GRIK1: variants seen among roughly 807,000 people sequenced by gnomAD.
GRIK1 encodes glutamate receptor ionotropic, kainate 1.
Under a neutral mutation model 105.7 loss-of-function variants are expected in GRIK1, and 69 were observed. The observed-to-expected ratio is 0.65, with a 90% confidence interval of 0.54 to 0.80. The LOEUF (loss-of-function observed/expected upper bound fraction) is 0.80, where lower values mean the gene tolerates loss of function less well. GRIK1 is among the 30% of genes least tolerant of loss of function. The pLI is 0.00. For missense variants in GRIK1, 1,109 were observed against 1,167.3 expected (o/e 0.95, Z 0.73); for synonymous variants, 438 against 431.3 (o/e 1.02, Z -0.19).
intron 1 of GRIK1, among the ~76,000 whole-genome samples, chr21:29,755,384 C>T (rs1199544142): frequency 6.6e-6 from 1 of 152,220 alleles, no homozygotes; most frequent in Non-Finnish European, 1.5e-5. Flanking sequence ...CATGGAACAC[C>T]ATTTATCATG....
chr21:29,675,256 G>A (rs2063243413), intron 3 of GRIK1, among the ~76,000 whole-genome samples: 1 of 152,124 alleles, frequency 6.6e-6, no homozygotes, highest in Non-Finnish European at 1.5e-5. Flanking sequence ...TTGGTGCTGA[G>A]GGAACAGATA....
chr21:29,767,715 G>C (rs2065705663), intron 1 of GRIK1, among the ~76,000 whole-genome samples: 1 of 152,102 alleles, frequency 6.6e-6, no homozygotes, highest in Non-Finnish European at 1.5e-5. Flanking sequence ...GTAGTGACAG[G>C]CAATTGAAGT....
chr21:29,915,336 C>T (rs1051464807), intron 1 of GRIK1, among the ~76,000 whole-genome samples: 1 of 152,008 alleles, frequency 6.6e-6, no homozygotes, highest in African/African-American at 2.4e-5. Flanking sequence ...TTAAGATTCA[C>T]AGTTGCTCTA....
chr21:29,856,035 T>TGG (rs2068453794), intron 1 of GRIK1, among the ~76,000 whole-genome samples: 1 of 151,662 alleles, frequency 6.6e-6, no homozygotes, highest in African/African-American at 2.4e-5. Flanking sequence ...GATTCATACG[T>TGG]AAACATCAGT....
At chr21:29,806,171 T>C (rs1422557779) in intron 1 of GRIK1, among the ~76,000 whole-genome samples, 1 of 152,140 alleles carries the variant, frequency 6.6e-6, no homozygotes, top group Admixed American at 6.6e-5. Context: ...TATAATTCTG[T>C]TGCATCAAAA....
rs1201957861 is a variant in GRIK1 at position 29,719,583 on chromosome 21, T to C, written c.119-25520A>G. The stretch of plus-strand genomic sequence containing the variant: ...GCTTCAAAGAAAGAAGAAAGAAACA[T>C]GGGCTCACAGAGATGATTTTTTTTT... On this transcript the variant is annotated intron_variant, in intron 1 of 17. Transcript: ENST00000327783. Among the ~76,000 whole-genome samples, 4 of 151,856 alleles carry C rather than the reference T, an allele frequency of 2.6e-5. No homozygotes were observed. The East Asian group carries it at 7.8e-4, about 29-fold the overall frequency.
At chr21:29,620,287 A>G (rs2061956093) in intron 7 of GRIK1, among the ~76,000 whole-genome samples, 1 of 152,182 alleles carries the variant, frequency 6.6e-6, no homozygotes, top group Non-Finnish European at 1.5e-5. Flanking sequence ...CGTAACAGGT[A>G]TTTCTTGCCT....
intron 1 of GRIK1, among the ~76,000 whole-genome samples, chr21:29,903,362 A>G (rs1321662441): frequency 6.6e-6 from 1 of 152,240 alleles, no homozygotes; most frequent in Admixed American, 6.5e-5. Flanking sequence ...AGAATGGGAG[A>G]AAATTTTTTC....
chr21:29,693,267 C>T (rs577943066), intron 2 of GRIK1, among the ~76,000 whole-genome samples: 1 of 152,294 alleles, frequency 6.6e-6, no homozygotes, highest in South Asian at 2.1e-4. Flanking sequence ...TAAGCAAGCC[C>T]CACAATTCCG....
chr21:29,780,399 A>C (rs2066062068), intron 1 of GRIK1, among the ~76,000 whole-genome samples: 1 of 152,232 alleles, frequency 6.6e-6, no homozygotes, highest in Non-Finnish European at 1.5e-5. Flanking sequence ...GTAAAATAGA[A>C]AAATTCAGTG....
chr21:29,866,569 T>A (rs1403767746), intron 1 of GRIK1, among the ~76,000 whole-genome samples: 1 of 152,188 alleles, frequency 6.6e-6, no homozygotes, highest in Admixed American at 6.5e-5. Flanking sequence ...TCTGGAAACT[T>A]GGCCATGGTA....
chr21:29,635,426 G>A (rs1601334734), intron 7 of GRIK1, among the ~76,000 whole-genome samples: 1 of 152,312 alleles, frequency 6.6e-6, no homozygotes, highest in East Asian at 1.9e-4. Context: ...ACACTGCCCA[G>A]TCTTGTCTTT....
intron 1 of GRIK1, among the ~76,000 whole-genome samples, chr21:29,866,859 G>A (rs1196070017): frequency 6.6e-6 from 1 of 152,116 alleles, no homozygotes; most frequent in Non-Finnish European, 1.5e-5. Context: ...ATATAGAGTA[G>A]AGAAAAACAA....
chr21:29,564,828 G>A (rs1259553335), intron 14 of GRIK1, among the ~76,000 whole-genome samples: 1 of 152,178 alleles, frequency 6.6e-6, no homozygotes, highest in African/African-American at 2.4e-5. Flanking sequence ...TTCAACAGCT[G>A]CAACATTTCT....
intron 1 of GRIK1, among the ~76,000 whole-genome samples, chr21:29,744,047 A>C (rs115703008): frequency 2.7e-4 from 41 of 152,372 alleles, no homozygotes; most frequent in African/African-American, 9.9e-4. Context: ...TTACCTATGT[A>C]ATCAACCTGC....
chr21:29,936,063 G>A (rs1602092941), intron 1 of GRIK1, among the ~76,000 whole-genome samples: 2 of 152,160 alleles, frequency 1.3e-5, no homozygotes, highest in Non-Finnish European at 1.5e-5. Flanking sequence ...TTTATCAGAT[G>A]CAACAGCAAT....
intron 4 of GRIK1, 85 bp downstream of exon 4, chr21:29,672,898 G>T: frequency 1.1e-6 from 1 of 924,932 alleles, no homozygotes; most frequent in Non-Finnish European, 1.7e-6. Context: ...TTATTATGCT[G>T]CATTAAGTGA....
intron 1 of GRIK1, among the ~76,000 whole-genome samples, chr21:29,701,755 T>G (rs923401511): frequency 6.6e-6 from 1 of 152,162 alleles, no homozygotes; most frequent in African/African-American, 2.4e-5. Context: ...AGAGTCTATT[T>G]CAGTAATCCA....
At chr21:29,733,506 T>C (rs1569027353) in intron 1 of GRIK1, among the ~76,000 whole-genome samples, 2 of 152,112 alleles carry the variant, frequency 1.3e-5, no homozygotes, top group Non-Finnish European at 2.9e-5. Flanking sequence ...TCCCCTAATT[T>C]TTTTTTCAAA....
Sources: allele counts gnomAD v4.1 joint callset (sites outside exome capture counted in the v4.1 genomes callset), GRCh38; gene constraint gnomAD v4.1.1; transcripts MANE v1.5; gene names NCBI Gene and HGNC (gene_info 2026-07-23, HGNC 2026-07-21).